Variants in METTL15 observed in about 807,000 individuals in gnomAD.
The protein encoded by METTL15 is 12S rRNA N(4)-cytidine methyltransferase METTL15.
Under a neutral mutation model 38.3 loss-of-function variants are expected in METTL15, and 34 were observed. The ratio of observed to expected loss-of-function variants is 0.89; its 90% CI spans 0.68 to 1.18. METTL15 has a LOEUF of 1.18. Among genes scored for constraint, METTL15 ranks in the 50% most tolerant of loss-of-function variants. METTL15 has a pLI of 0.00. For synonymous variants in METTL15, 162 were observed against 170.9 expected, an observed-to-expected ratio of 0.95 and a Z score of 0.41; for missense variants, 438 against 498.4, an observed-to-expected ratio of 0.88 and a Z score of 1.15.
intron 6 of METTL15, among the ~76,000 whole-genome samples, chr11:28,306,098 G>A (rs1412803365): frequency 6.6e-6 from 1 of 151,856 alleles, no homozygotes; most frequent in Non-Finnish European, 1.5e-5. Context: ...CAGATTTTTG[G>A]GACAGTAATT....
intron 3 of METTL15, among the ~76,000 whole-genome samples, chr11:28,123,155 G>C (rs1423251529): frequency 6.6e-6 from 1 of 152,102 alleles, no homozygotes; most frequent in Non-Finnish European, 1.5e-5. Flanking sequence ...GGAGAAACGA[G>C]TGAGGTTTTT....
At chr11:28,421,850 A>G (rs943283009) in intron 5 of METTL15, among the ~76,000 whole-genome samples, 8 of 152,058 alleles carry the variant, frequency 5.3e-5, no homozygotes, top group African/African-American at 1.9e-4. Flanking sequence ...TCAATCAGAC[A>G]AGAGAAAGAA....
At chr11:28,139,674 C>T (rs2133656146) in intron 3 of METTL15, among the ~76,000 whole-genome samples, 1 of 151,926 alleles carries the variant, frequency 6.6e-6, no homozygotes, top group East Asian at 1.9e-4. Context: ...ATCTGTGGTG[C>T]TGAGTCCTCC....
chr11:28,463,812 A>G (rs76094962), intron 6 of METTL15, among the ~76,000 whole-genome samples: 4,505 of 152,226 alleles, frequency 0.03, 122 homozygotes, highest in South Asian at 0.13. Context: ...ATGCTACTGC[A>G]TATGTAGCAC....
At chr11:28,296,036 A>G (rs891756191) in intron 5 of METTL15, among the ~76,000 whole-genome samples, 3 of 152,090 alleles carry the variant, frequency 2.0e-5, no homozygotes, top group Admixed American at 6.6e-5. Flanking sequence ...TCTGACTATA[A>G]TTTATTCTAT....
intron 4 of METTL15, among the ~76,000 whole-genome samples, chr11:28,282,479 C>T (rs2133975501): frequency 6.6e-6 from 1 of 152,226 alleles, no homozygotes; most frequent in East Asian, 1.9e-4. Context: ...TATAAAAATG[C>T]TTCCTACAAT....
chr11:28,120,326 T>G (rs1852172441), intron 3 of METTL15, among the ~76,000 whole-genome samples: 1 of 151,866 alleles, frequency 6.6e-6, no homozygotes, highest in African/African-American at 2.4e-5. Context: ...GTGTTTTCCC[T>G]CTGTTATTTT....
chr11:28,125,303 A>G (rs1193753293), intron 3 of METTL15, among the ~76,000 whole-genome samples: 2 of 152,124 alleles, frequency 1.3e-5, no homozygotes, highest in African/African-American at 4.8e-5. Flanking sequence ...TCAGGGATAT[A>G]TCAGTTTTGT....
At chr11:28,198,093 T>C (rs1422239487) in intron 3 of METTL15, among the ~76,000 whole-genome samples, 1 of 152,098 alleles carries the variant, frequency 6.6e-6, no homozygotes, top group Non-Finnish European at 1.5e-5. Flanking sequence ...TCATTGGTGT[T>C]TGTCCAGTAT....
intron 5 of METTL15, among the ~76,000 whole-genome samples, chr11:28,388,500 A>C (rs376155340): frequency 9.7e-4 from 148 of 152,266 alleles, no homozygotes; most frequent in African/African-American, 1.8e-3. Flanking sequence ...AATTTAACCA[A>C]GGAAGAAAAA....
At chr11:28,432,560 G>A (rs943719414) in intron 6 of METTL15, among the ~76,000 whole-genome samples, 6 of 152,208 alleles carry the variant, frequency 3.9e-5, no homozygotes, top group South Asian at 2.1e-4. Context: ...ATAGAAAAAC[G>A]AGAAAGAGTT....
intron 4 of METTL15, among the ~76,000 whole-genome samples, chr11:28,221,237 T>G (rs7111867): frequency 0.38 from 57,643 of 151,988 alleles, 12,538 homozygotes; most frequent in African/African-American, 0.6. Context: ...TAGTCCCATA[T>G]TTCTTGGAGG....
chr11:28,500,207 A>G (rs1258264808), intron 6 of METTL15, among the ~76,000 whole-genome samples: 2 of 152,122 alleles, frequency 1.3e-5, no homozygotes, highest in Admixed American at 6.5e-5. Context: ...CTACCTGGAG[A>G]CTGTCCTCTT....
intron 6 of METTL15, among the ~76,000 whole-genome samples, chr11:28,504,367 A>G (rs1301695757): frequency 6.6e-6 from 1 of 152,180 alleles, no homozygotes; most frequent in Non-Finnish European, 1.5e-5. Context: ...TAAAAGGAGC[A>G]GTTGTAATTC....
At chr11:28,365,999 G>C (rs539346504) in intron 5 of METTL15, among the ~76,000 whole-genome samples, 1 of 152,238 alleles carries the variant, frequency 6.6e-6, no homozygotes, top group Admixed American at 6.5e-5. Context: ...GCAGTGAGCT[G>C]AGATCATGCC....
intron 4 of METTL15, among the ~76,000 whole-genome samples, chr11:28,280,922 T>G (rs1367369079): frequency 6.6e-6 from 1 of 152,150 alleles, no homozygotes; most frequent in East Asian, 1.9e-4. Context: ...TCTGTTTTCT[T>G]GAGTATATTA....
At chr11:28,246,767 A>G (rs1854531086) in intron 4 of METTL15, among the ~76,000 whole-genome samples, 1 of 152,162 alleles carries the variant, frequency 6.6e-6, no homozygotes, top group African/African-American at 2.4e-5. Flanking sequence ...ACACATGGGT[A>G]ATGTCTGTGA....
chr11:28,357,645 T>C (rs745498786), intron 4 of METTL15, among the ~76,000 whole-genome samples: 14 of 152,324 alleles, frequency 9.2e-5, no homozygotes, highest in Admixed American at 7.2e-4. Flanking sequence ...TCATGGTAAG[T>C]GCTCAATAAA....
chr11:28,312,844 G>A (rs1311965667), intron 6 of METTL15, among the ~76,000 whole-genome samples: 1 of 152,118 alleles, frequency 6.6e-6, no homozygotes, highest in Non-Finnish European at 1.5e-5. Context: ...TGAGATGGTA[G>A]CATTCATGAG....
Sources: allele counts gnomAD v4.1 joint callset (sites outside exome capture counted in the v4.1 genomes callset), GRCh38; gene constraint gnomAD v4.1.1; transcripts MANE v1.5; gene names NCBI Gene and HGNC (gene_info 2026-07-23, HGNC 2026-07-21).